TUBGCP3: variants seen among roughly 807,000 people sequenced by gnomAD.
TUBGCP3 encodes gamma-tubulin complex component 3.
Under a neutral mutation model 123.1 loss-of-function variants are expected in TUBGCP3, and 50 were observed. That is an observed-to-expected ratio of 0.41 (90% CI 0.32 to 0.51). The LOEUF (loss-of-function observed/expected upper bound fraction) is 0.51, where lower values mean the gene tolerates loss of function less well. TUBGCP3 is among the 20% of genes least tolerant of loss of function. The probability of loss-of-function intolerance (pLI) is 0.36; values close to 1 mark genes in which losing one functional copy is unlikely to be tolerated. For synonymous variants in TUBGCP3, 405 were observed against 413.9 expected (o/e 0.98, Z 0.26); for missense variants, 882 against 1,127.0 (o/e 0.78, Z 3.11).
intron 20 of TUBGCP3, among the ~76,000 whole-genome samples, chr13:112,497,004 TCG>T (rs1249854351): frequency 2.8e-5 from 4 of 142,546 alleles, no homozygotes; most frequent in Non-Finnish European, 4.6e-5. Context: ...AAAAAAAAAA[TCG>T]GAGTGATTTT....
At chr13:112,582,051 C>T (rs1450095415) in intron 1 of TUBGCP3, among the ~76,000 whole-genome samples, 1 of 152,124 alleles carries the variant, frequency 6.6e-6, no homozygotes, top group African/African-American at 2.4e-5. Flanking sequence ...CCTCTTAAAC[C>T]AAATCTACTT....
chr13:112,594,254 G>C, the TUBGCP3 span, among the ~76,000 whole-genome samples: 1 of 152,232 alleles, frequency 6.6e-6, no homozygotes, highest in African/African-American at 2.4e-5. Flanking sequence ...TTAACAAAGT[G>C]ATTGCAGATT....
the TUBGCP3 span, among the ~76,000 whole-genome samples, chr13:112,598,130 G>A: frequency 1.3e-5 from 2 of 152,014 alleles, no homozygotes; most frequent in Admixed American, 1.3e-4. Flanking sequence ...AAACATAGAG[G>A]CCAGATGAAG....
chr13:112,604,974 T>G, the TUBGCP3 span: 1 of 152,240 alleles, frequency 6.6e-6, no homozygotes, highest in South Asian at 2.1e-4. Flanking sequence ...CATTTTTAAA[T>G]TCTTCGCTAT....
In TUBGCP3 at chr13:112,519,845, C is replaced by T. The variant is rs373659128; in HGVS notation, c.1881+41G>A. Reference sequence around the variant, plus strand: ...AGAACACCCCGGCCCAGTGGGTCCTCGGTGCCGGGGCGGCGTTCCCAACAC... The same window carrying T: ...AGAACACCCCGGCCCAGTGGGTCCTTGGTGCCGGGGCGGCGTTCCCAACAC... On this transcript the variant is annotated intron_variant, in intron 15 of 21. Coordinates refer to ENST00000261965, the MANE Select transcript of TUBGCP3 (RefSeq NM_006322.6). The surrounding 1 kb of genome is among the most constrained non-coding windows in gnomAD (Gnocchi z 6.2). 16 of 1,598,118 alleles carry T rather than the reference C, an allele frequency of 1.0e-5. No individual in the cohort carries two copies. The highest frequency in any genetic ancestry group is 6.8e-5 in the Admixed American group (4 of 58,692).
At chr13:112,556,410 G>T (rs1880048069) in intron 5 of TUBGCP3, among the ~76,000 whole-genome samples, 186 bp from the exon 6 acceptor site, 1 of 152,140 alleles carries the variant, frequency 6.6e-6, no homozygotes, top group African/African-American at 2.4e-5. Context: ...CTTGAACTTG[G>T]TCAAGCCTCC....
chr13:112,576,838 T>C (rs149311535), intron 1 of TUBGCP3, among the ~76,000 whole-genome samples: 454 of 151,642 alleles, frequency 3.0e-3, no homozygotes, highest in African/African-American at 0.01. Context: ...TAATCTCAGT[T>C]TATATGATAA....
chr13:112,566,242 A>G (rs9635121), intron 2 of TUBGCP3, among the ~76,000 whole-genome samples: 23,969 of 152,200 alleles, frequency 0.16, 2,146 homozygotes, highest in Non-Finnish European at 0.21. Flanking sequence ...CTGTGCACAG[A>G]TGCCTCTCAA....
At chr13:112,533,109 C>T (rs943491716) in intron 11 of TUBGCP3, among the ~76,000 whole-genome samples, 1 of 152,218 alleles carries the variant, frequency 6.6e-6, no homozygotes, top group African/African-American at 2.4e-5. Context: ...CAGGAGAAAG[C>T]CTTCACACGT....
intron 14 of TUBGCP3, among the ~76,000 whole-genome samples, chr13:112,520,914 A>G (rs988679436): frequency 6.6e-6 from 1 of 152,240 alleles, no homozygotes; most frequent in African/African-American, 2.4e-5. Flanking sequence ...AAAAAGACAC[A>G]CAACGTCAAA....
At chr13:112,527,858 T>G (rs1284097067) in intron 11 of TUBGCP3, among the ~76,000 whole-genome samples, 3 of 152,338 alleles carry the variant, frequency 2.0e-5, no homozygotes, top group Middle Eastern at 3.4e-3. Context: ...CTCCCATCAG[T>G]CTGCCTGCCC....
chr13:112,523,548 C>A lies in TUBGCP3; in HGVS notation c.1556-1039G>T, dbSNP rs541131319. On this transcript the variant is annotated intron_variant, in intron 13 of 21. Transcript: ENST00000261965. ...CGACACCACGGAACCCCTTGATGAG[C>A]TCACCACAGTCCTGTTTTAAGGGCA... is the stretch of plus-strand genomic sequence containing the variant. Among the ~76,000 whole-genome samples, 116 of 152,338 alleles carry A rather than the reference C, an allele frequency of 7.6e-4. 1 individual carries two copies. Among genetic ancestry groups the A allele is most frequent in the African/African-American group, 2.7e-3 (111 of 41,582 alleles).
At chr13:112,515,595 C>A (rs899832192) in intron 17 of TUBGCP3, among the ~76,000 whole-genome samples, 1 of 152,212 alleles carries the variant, frequency 6.6e-6, no homozygotes, top group African/African-American at 2.4e-5. Context: ...AAGAAGGGTA[C>A]CCTGCCCGCA....
Position 112,522,370 on chromosome 13 carries a change from G to T in TUBGCP3, c.1695C>A (p.Tyr565Ter). Residue 565 changes from tyrosine to a stop codon, truncating the protein, a stop_gained, in exon 14 of 22, where the codon TAC becomes TAA. Coordinates refer to ENST00000261965, the MANE Select transcript of TUBGCP3 (RefSeq NM_006322.6). LOFTEE classifies it high-confidence loss of function. ...TAAAGTCTCCTTGACCAAGAAGCAG[G>T]TACCGCCTCATTGCCTGCATGTGGT... ...LLDHMQAMRR[Y>*]LLLGQGDFIR... is the part of the protein sequence containing the mutation. 6.2e-7 allele frequency: 1 copy of T among 1,613,542 alleles called. No homozygotes were observed. Among genetic ancestry groups the T allele is most frequent in the Non-Finnish European group, 8.5e-7 (1 of 1,179,548 alleles).
chr13:112,544,452 CAAAAAAAAAAAAA>C (rs1210946326), intron 11 of TUBGCP3: 2 of 49,194 alleles, frequency 4.1e-5, no homozygotes, highest in Admixed American at 2.4e-4. Context: ...GACTCTGTCT[CAAAAAAAAAAAAA>C]AAAAAAAAAA....
the TUBGCP3 span, among the ~76,000 whole-genome samples, chr13:112,599,589 C>T: frequency 6.6e-6 from 1 of 152,192 alleles, no homozygotes; most frequent in African/African-American, 2.4e-5. Context: ...TCACTGTAAC[C>T]TCCGCCTCCC....
rs186003039 is a variant in TUBGCP3, at chr13:112,489,236, C to T, written c.2565+345G>A. Among the ~76,000 whole-genome samples, 582 of 150,248 alleles carry T rather than the reference C, an allele frequency of 3.9e-3. 4 individuals are homozygous for T. Among genetic ancestry groups the T allele is most frequent in the African/African-American group, 0.014 (555 of 40,084 alleles). ...CCACCACAGGGGAGCACAGGGGCCA[C>T]GCCCAGGTCCCCACACCCCAACACA... On this transcript the variant is annotated intron_variant, in intron 21 of 21. Transcript: ENST00000261965.
At chr13:112,541,370 C>T (rs1228773763) in intron 11 of TUBGCP3, among the ~76,000 whole-genome samples, 2 of 151,982 alleles carry the variant, frequency 1.3e-5, no homozygotes, top group African/African-American at 2.4e-5. Flanking sequence ...GGTGAAATCC[C>T]GCCTCTACTA....
At chr13:112,578,261 T>A (rs1308078559) in intron 1 of TUBGCP3, among the ~76,000 whole-genome samples, 1 of 152,076 alleles carries the variant, frequency 6.6e-6, no homozygotes, top group East Asian at 1.9e-4. Context: ...TATCTTGAGT[T>A]AAAAGAACCT....
Sources: gnomAD v4.1 joint callset for allele counts (sites outside exome capture counted in the v4.1 genomes callset) on GRCh38, gnomAD v4.1.1 for gene constraint, Gnocchi (gnomAD v3.1) non-coding constraint, MANE v1.5 for transcripts, NCBI Gene and HGNC (gene_info 2026-07-23, HGNC 2026-07-21) for gene names.